Variants in SMYD3 observed in about 807,000 individuals in gnomAD.
SMYD3 encodes the protein SET and MYND domain containing 3.
In SMYD3, 36 loss-of-function variants were observed where a neutral mutation model predicts 57.7. That is an observed-to-expected ratio of 0.62 (90% CI 0.48 to 0.82). The LOEUF (loss-of-function observed/expected upper bound fraction) is 0.82. Ranked by LOEUF, SMYD3 falls within the 40% of genes least tolerant of loss-of-function variation. SMYD3 has a pLI of 0.00. For synonymous variants in SMYD3, 211 were observed against 195.0 expected, an observed-to-expected ratio of 1.08 and a Z score of -0.68; for missense variants, 515 against 538.8, an observed-to-expected ratio of 0.96 and a Z score of 0.44.
At chr1:245,877,511 G>A (rs552190754) in intron 8 of SMYD3, among the ~76,000 whole-genome samples, 1 of 152,330 alleles carries the variant, frequency 6.6e-6, no homozygotes, top group Non-Finnish European at 1.5e-5. Context: ...TTAGGTAGAT[G>A]TTTCAACAAT....
chr1:245,838,228 G>T (rs911529965), intron 10 of SMYD3, among the ~76,000 whole-genome samples: 2 of 152,206 alleles, frequency 1.3e-5, no homozygotes, highest in Admixed American at 1.3e-4. Context: ...CTCCTCGCTT[G>T]GTTCATATTG....
chr1:246,230,116 G>A (rs980498820), intron 5 of SMYD3, among the ~76,000 whole-genome samples: 2 of 152,112 alleles, frequency 1.3e-5, no homozygotes, highest in African/African-American at 2.4e-5. Context: ...TTCTAATCTG[G>A]TAATTCACCG....
At chr1:246,363,140 G>A (rs1286543639) in intron 1 of SMYD3, among the ~76,000 whole-genome samples, 1 of 150,782 alleles carries the variant, frequency 6.6e-6, no homozygotes, top group Non-Finnish European at 1.5e-5. Context: ...GAGCCCCTCC[G>A]CCCGGCAGCC....
At chr1:246,036,404 C>T (rs2059771857) in intron 5 of SMYD3, among the ~76,000 whole-genome samples, 1 of 152,186 alleles carries the variant, frequency 6.6e-6, no homozygotes, top group Non-Finnish European at 1.5e-5. Flanking sequence ...CAGAGGCATC[C>T]AATTTCATCA....
chr1:246,226,958 T>C (rs2063338803), intron 5 of SMYD3, among the ~76,000 whole-genome samples: 1 of 152,212 alleles, frequency 6.6e-6, no homozygotes, highest in Non-Finnish European at 1.5e-5. Context: ...TTATTTAGCA[T>C]TATGAGATTA....
intron 8 of SMYD3, among the ~76,000 whole-genome samples, chr1:245,907,042 A>T (rs2054612452): frequency 6.6e-6 from 1 of 151,828 alleles, no homozygotes; most frequent in African/African-American, 2.4e-5. Flanking sequence ...CAGAGAGAGT[A>T]GAAGGAGGCT....
chr1:245,964,072 G>A (rs1290949236), intron 5 of SMYD3, among the ~76,000 whole-genome samples: 2 of 152,138 alleles, frequency 1.3e-5, no homozygotes, highest in Non-Finnish European at 2.9e-5. Flanking sequence ...TGCTTCTGAT[G>A]AGGGCCTCAG....
At chr1:246,470,598 G>A (rs1038622707) in intron 1 of SMYD3, among the ~76,000 whole-genome samples, 18 of 149,012 alleles carry the variant, frequency 1.2e-4, no homozygotes, top group African/African-American at 3.0e-4. Context: ...TATACATTGT[G>A]TATATATACA....
chr1:245,911,496 CAT>C (rs34832589), intron 8 of SMYD3, among the ~76,000 whole-genome samples: 51 of 149,388 alleles, frequency 3.4e-4, no homozygotes, highest in African/African-American at 1.0e-3. Flanking sequence ...AAAAAAATGC[CAT>C]ATATATATAT....
At chr1:246,494,032 T>C (rs956231483) in intron 1 of SMYD3, among the ~76,000 whole-genome samples, 1 of 152,190 alleles carries the variant, frequency 6.6e-6, no homozygotes, top group African/African-American at 2.4e-5. Flanking sequence ...ACTGGAATCC[T>C]CATCTCCAGT....
intron 5 of SMYD3, among the ~76,000 whole-genome samples, chr1:245,990,951 T>TA (rs2058801764): frequency 6.6e-6 from 1 of 152,174 alleles, no homozygotes; most frequent in Non-Finnish European, 1.5e-5. Context: ...TAGTGCTGTT[T>TA]AAAAAAATTG....
intron 5 of SMYD3, among the ~76,000 whole-genome samples, chr1:246,221,962 A>G (rs1301666442): frequency 6.6e-6 from 1 of 152,128 alleles, no homozygotes; most frequent in Non-Finnish European, 1.5e-5. Flanking sequence ...ATCCTGTTAT[A>G]TTGTCTCATC....
chr1:246,398,030 A>C (rs2066703683), intron 1 of SMYD3, among the ~76,000 whole-genome samples: 3 of 152,184 alleles, frequency 2.0e-5, no homozygotes, highest in Admixed American at 2.0e-4. Flanking sequence ...GAATCCGTCA[A>C]TCACTAGAAT....
At chr1:245,980,919 A>G (rs1034542601) in intron 5 of SMYD3, among the ~76,000 whole-genome samples, 3 of 152,162 alleles carry the variant, frequency 2.0e-5, no homozygotes, top group African/African-American at 7.2e-5. Flanking sequence ...CTGCCTTTCC[A>G]GTTATGTATT....
intron 10 of SMYD3, among the ~76,000 whole-genome samples, chr1:245,822,111 G>A (rs112715805): frequency 0.015 from 2,219 of 152,020 alleles, 50 homozygotes; most frequent in African/African-American, 0.051. Flanking sequence ...TGTTTATTGC[G>A]GCATTATTCA....
Position 246,341,908 on chromosome 1 carries a change from A to G in SMYD3, c.229-6434T>C, listed in dbSNP as rs1002960902. The stretch of plus-strand genomic sequence containing the variant: ...CCTGTATTGAACCTTGGATTGGGTA[A>G]AATACATCCAATTCATGACATCAGC... On this transcript the variant is annotated intron_variant, in intron 2 of 11. Coordinates refer to ENST00000490107, the MANE Select transcript of SMYD3 (RefSeq NM_001167740.2). 4.5e-4 allele frequency among the ~76,000 whole-genome samples: 69 copies of G among 152,204 alleles called. 4 individuals carry two copies.
chr1:246,056,844 T>C (rs1214942329), intron 5 of SMYD3, among the ~76,000 whole-genome samples: 1 of 152,118 alleles, frequency 6.6e-6, no homozygotes, highest in Admixed American at 6.5e-5. Flanking sequence ...TGCAAAGAGT[T>C]ATTGAAACCT....
chr1:245,984,904 C>T (rs867008716), intron 5 of SMYD3, among the ~76,000 whole-genome samples: 10 of 152,042 alleles, frequency 6.6e-5, no homozygotes, highest in African/African-American at 9.7e-5. Flanking sequence ...CACTTCCATC[C>T]GACTTCTCCT....
chr1:245,939,951 C>T (rs191757755), intron 5 of SMYD3, among the ~76,000 whole-genome samples: 28 of 152,300 alleles, frequency 1.8e-4, no homozygotes, highest in African/African-American at 6.7e-4. Flanking sequence ...ACTGTGGCTC[C>T]AGTCGGTGCC....
Sources: gnomAD v4.1 joint callset for allele counts (sites outside exome capture counted in the v4.1 genomes callset) on GRCh38, gnomAD v4.1.1 for gene constraint, MANE v1.5 for transcripts, NCBI Gene and HGNC (gene_info 2026-07-23, HGNC 2026-07-21) for gene names.